Variants in BCCIP observed in about 807,000 individuals in gnomAD.
BCCIP encodes the protein BRCA2 and CDKN1A-interacting protein.
BCCIP carries 23 observed loss-of-function variants against 32.8 expected under a neutral mutation model. The ratio of observed to expected loss-of-function variants is 0.70; its 90% CI spans 0.51 to 0.99. The LOEUF is 0.99. Ranked by LOEUF, BCCIP falls within the 50% of genes least tolerant of loss-of-function variation. The pLI is 0.00. For missense variants in BCCIP, 378 were observed against 379.8 expected (o/e 1.00, Z 0.04); for synonymous variants, 144 against 137.6 (o/e 1.05, Z -0.33).
At chr10:125,840,780 T>A, downstream of BCCIP, 2 of 1,471,036 alleles carry the variant, frequency 1.4e-6, no homozygotes, top group South Asian at 1.5e-5. Context: ...GAATAACTAA[T>A]AAGGACTCAG....
chr10:125,824,401 A>G (rs1296348439), intron 1 of BCCIP, among the ~76,000 whole-genome samples: 1 of 152,248 alleles, frequency 6.6e-6, no homozygotes, highest in Admixed American at 6.5e-5. Context: ...TGAATGTTTA[A>G]ATAGATACCT....
intron 7 of BCCIP, among the ~76,000 whole-genome samples, chr10:125,849,466 C>T (rs1944063196): frequency 1.3e-5 from 2 of 152,186 alleles, no homozygotes; most frequent in Admixed American, 6.5e-5. Flanking sequence ...GGCATGTTTG[C>T]GTCTCTTTTT....
At chr10:125,825,031 C>G (rs2153810) in intron 1 of BCCIP, among the ~76,000 whole-genome samples, 2 of 152,284 alleles carry the variant, frequency 1.3e-5, no homozygotes, top group East Asian at 3.8e-4. Context: ...TACTTTGGCT[C>G]TATGCCTTGA....
Position 125,833,880 on chromosome 10 carries a change from G to C in BCCIP, c.708G>C (p.Lys236Asn). 6.2e-7 allele frequency: 1 copy of C among 1,614,112 alleles called. No homozygotes were observed. Among genetic ancestry groups the C allele is most frequent in the South Asian group, 1.1e-5 (1 of 91,084 alleles). The change falls in exon 6 of 7, where the codon AAG becomes AAC. Residue 236 changes from lysine to asparagine, a missense_variant. By Grantham distance (94) the Lys-to-Asn change is moderately conservative. Transcript: ENST00000278100. ...FVEAGKNNSK[K>N]KPSNKKKAAL... is the part of the protein sequence containing the mutation. ...AAGCAGGAAAAAACAATTCCAAAAA[G>C]AAACCTAGCAACAAAAAGAAAGCTG...
intron 5 of BCCIP, among the ~76,000 whole-genome samples, chr10:125,832,939 A>G (rs1353344551): frequency 6.6e-6 from 1 of 151,452 alleles, no homozygotes; most frequent in Non-Finnish European, 1.5e-5. Flanking sequence ...ACATGGCGAA[A>G]CCCCAATTCT....
chr10:125,823,567 A>G lies in BCCIP; in HGVS notation c.10A>G (p.Arg4Gly), dbSNP rs150146889. 3.7e-4 allele frequency: 597 copies of G among 1,613,724 alleles called. No homozygotes were observed. The highest frequency in any genetic ancestry group is 4.9e-4 in the Non-Finnish European group (579 of 1,179,888). The change falls in exon 1 of 7, where the codon AGG becomes GGG. Residue 4 changes from arginine to glycine, a missense_variant. By Grantham distance (125) the Arg-to-Gly change is moderately radical. Coordinates refer to ENST00000278100, the MANE Select transcript of BCCIP (RefSeq NM_078468.3). ...CAGTGTGAGCGGCAACATGGCGTCC[A>G]GGTCTAAGCGGCGTGCCGTGGAAAG... Reference protein sequence around the residue: MASRSKRRAVESGV... With the variant: MASGSKRRAVESGV...
At chr10:125,835,503 C>T (rs570793970) in intron 6 of BCCIP, among the ~76,000 whole-genome samples, 27 of 151,052 alleles carry the variant, frequency 1.8e-4, no homozygotes, top group Non-Finnish European at 3.1e-4. Flanking sequence ...GGTGTGAACC[C>T]GGGAGGCAGA....
At chr10:125,850,846 C>T (rs1263072917) in intron 7 of BCCIP, among the ~76,000 whole-genome samples, 1 of 152,150 alleles carries the variant, frequency 6.6e-6, no homozygotes, top group African/African-American at 2.4e-5. Flanking sequence ...CTGGTGTAGT[C>T]TGGTACCTTT....
chr10:125,825,800 T>C (rs912163810), intron 1 of BCCIP: 2 of 152,248 alleles, frequency 1.3e-5, no homozygotes, highest in African/African-American at 4.8e-5. Flanking sequence ...ACTAATCTTG[T>C]TAGTGTTTAA....
exon 7 of BCCIP, chr10:125,842,637 AG>A (rs1326602559): frequency 6.0e-6 from 1 of 166,162 alleles, no homozygotes; most frequent in African/African-American, 2.4e-5. Context: ...GTGCCCAAGA[AG>A]GTAAAATGTA....
downstream of BCCIP, among the ~76,000 whole-genome samples, chr10:125,838,640 G>A (rs930808694): frequency 1.3e-5 from 2 of 152,138 alleles, no homozygotes; most frequent in African/African-American, 2.4e-5. Context: ...TGAGGTTAAT[G>A]TTTTGGCCAT....
chr10:125,842,148 C>T, exon 7 of BCCIP: 1 of 628,706 alleles, frequency 1.6e-6, no homozygotes, highest in East Asian at 3.5e-5. Flanking sequence ...AGCTCATGCT[C>T]CGAGGAGGGT....
intron 1 of BCCIP, chr10:125,825,504 A>T: frequency 6.6e-6 from 1 of 152,224 alleles, no homozygotes. Flanking sequence ...TAATCTGGCT[A>T]AGTTAGCATT....
chr10:125,826,463 C>T (rs1404448893), intron 1 of BCCIP, 128 bp from the exon 2 acceptor site: 5 of 1,400,888 alleles, frequency 3.6e-6, no homozygotes, highest in Non-Finnish European at 4.8e-6. Context: ...GCTTTTGTGT[C>T]ACCTGAAGAA....
chr10:125,852,612 G>A, intron 7 of BCCIP: 7 of 1,612,768 alleles, frequency 4.3e-6, no homozygotes, highest in Non-Finnish European at 5.9e-6. Flanking sequence ...TGCATGACGA[G>A]CGAGTTTGCT....
At chr10:125,825,298 G>A (rs759057778) in intron 1 of BCCIP, among the ~76,000 whole-genome samples, 1 of 152,152 alleles carries the variant, frequency 6.6e-6, no homozygotes, top group Non-Finnish European at 1.5e-5. Flanking sequence ...TTCCCTGGTG[G>A]TGCCATAATA....
chr10:125,834,083 C>A, intron 6 of BCCIP, 137 bp downstream of exon 6: 1 of 932,814 alleles, frequency 1.1e-6, no homozygotes, highest in Non-Finnish European at 1.6e-6. Context: ...CCCCACAGGA[C>A]CTAGCAGCTA....
chr10:125,830,516 G>A (rs1277265992), intron 3 of BCCIP, 46 bp from the exon 4 acceptor site: 3 of 1,284,128 alleles, frequency 2.3e-6, no homozygotes, highest in South Asian at 1.4e-5. Context: ...TATACTCTTG[G>A]TATTATACTA....
chr10:125,830,978 G>A (rs1268604258), intron 4 of BCCIP, among the ~76,000 whole-genome samples: 16 of 152,184 alleles, frequency 1.1e-4, no homozygotes, highest in Non-Finnish European at 1.8e-4. Flanking sequence ...AGGCTTTGCT[G>A]CCTCAATGTT....
Sources: allele counts gnomAD v4.1 joint callset (sites outside exome capture counted in the v4.1 genomes callset), GRCh38; gene constraint gnomAD v4.1.1; transcripts MANE v1.5; gene names NCBI Gene and HGNC (gene_info 2026-07-23, HGNC 2026-07-21).